The following MAP3K15 variants were observed in gnomAD, a reference collection of about 807,000 sequenced individuals.
MAP3K15 encodes mitogen-activated protein kinase kinase kinase 15.
A neutral mutation model predicts 99.5 loss-of-function variants in MAP3K15; 124 were observed. The observed-to-expected ratio is 1.25, with a 90% confidence interval of 1.08 to 1.45. MAP3K15 has a LOEUF of 1.45. MAP3K15 is among the 40% of genes most tolerant of loss of function. MAP3K15 has a pLI of 0.00. For synonymous variants in MAP3K15, 494 were observed against 439.6 expected (o/e 1.12, Z -1.55); for missense variants, 1,242 against 1,079.7 (o/e 1.15, Z -2.11).
chrX:19,451,596 G>A (rs1375438365), intron 6 of MAP3K15, among the ~76,000 whole-genome samples: 2 of 108,883 alleles, frequency 1.8e-5, no homozygotes, highest in African/African-American at 6.7e-5. Context: ...TCACTAATCA[G>A]AGAAACGTCC....
At chrX:19,384,804 AG>A (rs2063484941) in intron 18 of MAP3K15, among the ~76,000 whole-genome samples, 1 of 108,505 alleles carries the variant, frequency 9.2e-6, no homozygotes, top group African/African-American at 3.3e-5. Context: ...AAAACTGAAA[AG>A]AGCATAACTG....
intron 10 of MAP3K15, among the ~76,000 whole-genome samples, 159 bp downstream of exon 10, chrX:19,414,948 C>T (rs939558343): frequency 8.9e-6 from 1 of 112,199 alleles, no homozygotes; most frequent in Non-Finnish European, 1.9e-5. Context: ...TATGAGTGAG[C>T]TGATCTATCA....
intron 3 of MAP3K15, among the ~76,000 whole-genome samples, chrX:19,486,016 G>A (rs1234601906): frequency 3.6e-5 from 4 of 111,873 alleles, no homozygotes; most frequent in Non-Finnish European, 5.6e-5. Context: ...GGGACAGAAG[G>A]AAGTAGAATT....
intron 3 of MAP3K15, among the ~76,000 whole-genome samples, chrX:19,465,864 T>TGTGTGA (rs745506945): frequency 4.6e-5 from 5 of 107,887 alleles, no homozygotes; most frequent in African/African-American, 1.7e-4. Context: ...TGTGTGTGTG[T>TGTGTGA]GATAAGTGGG....
intron 25 of MAP3K15, among the ~76,000 whole-genome samples, chrX:19,367,954 G>A (rs936728017): frequency 9.4e-6 from 1 of 106,213 alleles, no homozygotes; most frequent in South Asian, 4.2e-4. Flanking sequence ...TCACCATATT[G>A]GCCAGGCTGG....
intron 6 of MAP3K15, among the ~76,000 whole-genome samples, chrX:19,436,304 C>G (rs771224568): frequency 1.6e-4 from 18 of 111,313 alleles, no homozygotes; most frequent in African/African-American, 5.9e-4. Flanking sequence ...ACTCCCTTCT[C>G]ACTCCTTGTC....
At chrX:19,394,571 T>C (rs1242321287) in intron 16 of MAP3K15, among the ~76,000 whole-genome samples, 1 of 111,245 alleles carries the variant, frequency 9.0e-6, no homozygotes, top group Non-Finnish European at 1.9e-5. Context: ...TATTTTGCAC[T>C]GTCACTTTTA....
Position 19,372,782 on chromosome X carries a change from C to G in MAP3K15, c.2979G>C (p.Ser993=), listed in dbSNP as rs150181853. Residue 993 remains serine, a synonymous_variant, in exon 22 of 29, where the codon TCG becomes TCC. Transcript: ENST00000338883. ...GGCCCTGGTCCCTGTCCTCCGGGGA[C>G]GAGGCCAAGCCCCGGTCTTCCAAGG... ...SSALEDRGLA[S]SPEDRDQGLF... 1.7e-4 allele frequency: 208 copies of G among 1,209,498 alleles called. No individual in the cohort carries two copies. The highest frequency in any genetic ancestry group is 6.9e-4 in the Middle Eastern group (3 of 4,352).
intron 7 of MAP3K15, among the ~76,000 whole-genome samples, chrX:19,427,081 C>T (rs1159841141): frequency 9.0e-6 from 1 of 110,712 alleles, no homozygotes; most frequent in East Asian, 2.9e-4. Context: ...CTAAGCAATC[C>T]TTCCACCTCA....
At chrX:19,449,972 G>C (rs1330413680) in intron 6 of MAP3K15, among the ~76,000 whole-genome samples, 1 of 109,390 alleles carries the variant, frequency 9.1e-6, no homozygotes, top group Non-Finnish European at 1.9e-5. Context: ...AAGCTACACA[G>C]TAATAGTAAG....
intron 16 of MAP3K15, 107 bp downstream of exon 16, chrX:19,394,974 A>C: frequency 5.6e-4 from 470 of 833,516 alleles, no homozygotes; most frequent in Non-Finnish European, 7.0e-4. Flanking sequence ...CAGGCGCCCT[A>C]CAGGCCTGGC....
At chrX:19,373,393 G>C in intron 21 of MAP3K15, 143 bp downstream of exon 21, 1 of 703,988 alleles carries the variant, frequency 1.4e-6, no homozygotes, top group Non-Finnish European at 2.1e-6. Flanking sequence ...GCCGGGATGG[G>C]GCGGCTCAGC....
chrX:19,375,233 C>A (rs1376938430), intron 19 of MAP3K15, among the ~76,000 whole-genome samples: 2 of 112,289 alleles, frequency 1.8e-5, no homozygotes, highest in East Asian at 5.6e-4. Context: ...ACTTGGGCCA[C>A]AGCCTAGGGC....
Position 19,425,511 on chromosome X carries a change from A to C in MAP3K15, c.1439+20T>G. On this transcript the variant is annotated intron_variant, in intron 9 of 28. Coordinates refer to ENST00000338883, the MANE Select transcript of MAP3K15 (RefSeq NM_001001671.4). ...ATCATGTATTGAGATGGGTGATGAC[A>C]ACACACAGACACAACTCACCAGACT... 8.5e-7 allele frequency: 1 copy of C among 1,180,770 alleles called. No homozygotes were observed. Among genetic ancestry groups the C allele is most frequent in the Non-Finnish European group, 1.1e-6 (1 of 883,369 alleles).
chrX:19,466,252 T>C (rs1025385960), intron 3 of MAP3K15, among the ~76,000 whole-genome samples: 1 of 112,090 alleles, frequency 8.9e-6, no homozygotes, highest in African/African-American at 3.2e-5. Flanking sequence ...CATTTACATA[T>C]TCAAAAGTTA....
chrX:19,481,115 C>CAAAAAAAAA (rs60578003), intron 3 of MAP3K15, among the ~76,000 whole-genome samples: 1,005 of 55,205 alleles, frequency 0.018, 81 homozygotes, highest in African/African-American at 0.066. Context: ...GAACTTGTCT[C>CAAAAAAAAA]AAAAAAAAAA....
chrX:19,497,762 A>C (rs1170153446), intron 1 of MAP3K15: 2 of 111,535 alleles, frequency 1.8e-5, no homozygotes, highest in Non-Finnish European at 3.8e-5. Flanking sequence ...CTGGTGCATT[A>C]GTAAGCATTG....
chrX:19,442,045 A>T (rs761631293), intron 6 of MAP3K15, among the ~76,000 whole-genome samples: 1 of 112,352 alleles, frequency 8.9e-6, no homozygotes, highest in East Asian at 2.8e-4. Context: ...GCTGTCTGTT[A>T]CAACAGTTAC....
At chrX:19,410,856 A>T (rs977532581) in intron 11 of MAP3K15, among the ~76,000 whole-genome samples, 2 of 111,590 alleles carry the variant, frequency 1.8e-5, no homozygotes, top group African/African-American at 6.5e-5. Flanking sequence ...ACATCAATAC[A>T]TCACAATTGC....
Sources: allele counts gnomAD v4.1 joint callset (sites outside exome capture counted in the v4.1 genomes callset), GRCh38; gene constraint gnomAD v4.1.1; transcripts MANE v1.5; gene names NCBI Gene and HGNC (gene_info 2026-07-23, HGNC 2026-07-21).